DPY19L3: variants seen among roughly 807,000 people sequenced by gnomAD.
DPY19L3 encodes the protein protein C-mannosyl-transferase DPY19L3.
A neutral mutation model predicts 92.3 loss-of-function variants in DPY19L3; 51 were observed. That is an observed-to-expected ratio of 0.55 (90% CI 0.44 to 0.70). The LOEUF (loss-of-function observed/expected upper bound fraction) is 0.70, where lower values mean the gene tolerates loss of function less well. DPY19L3 is among the 30% of genes least tolerant of loss of function. The pLI is 0.00. For synonymous variants in DPY19L3, 309 were observed against 315.2 expected, an observed-to-expected ratio of 0.98 and a Z score of 0.21; for missense variants, 706 against 855.9, an observed-to-expected ratio of 0.82 and a Z score of 2.18.
chr19:32,423,299 C>T (rs922746168), intron 3 of DPY19L3, among the ~76,000 whole-genome samples: 4 of 151,810 alleles, frequency 2.6e-5, no homozygotes, highest in African/African-American at 9.7e-5. Flanking sequence ...AATGAAGTGG[C>T]GTGATCTTGG....
Position 32,468,777 on chromosome 19 carries a change from A to C in DPY19L3, c.1661A>C (p.Tyr554Ser), listed in dbSNP as rs200092939. The change falls in exon 16 of 19, where the codon TAT (tyrosine) becomes TCT (serine). Residue 554 changes from tyrosine to serine, a missense_variant. Transcript: ENST00000392250. Reference protein sequence around the residue: ...MDELSELREFYDPDTVELMNW... With the variant: ...MDELSELREFSDPDTVELMNW... The stretch of plus-strand genomic sequence containing the variant: ...GAACTCTCCGAGTTGAGAGAATTCT[A>C]TGATCCAGATACAGTGGAGCTGATG... 6.2e-7 allele frequency: 1 copy of C among 1,613,956 alleles called. No homozygotes were observed. Among genetic ancestry groups the C allele is most frequent in the Middle Eastern group, 1.7e-4 (1 of 6,058 alleles).
At chr19:32,472,115 C>G (rs1970375761) in intron 16 of DPY19L3, among the ~76,000 whole-genome samples, 1 of 152,112 alleles carries the variant, frequency 6.6e-6, no homozygotes, top group Non-Finnish European at 1.5e-5. Context: ...ATTTTAAGAT[C>G]TTCAGTGGCT....
rs748024218 is a variant in DPY19L3 at position 32,429,374 on chromosome 19, AGT to A, written c.238-3339_238-3338del. ...GTATAAATTGCTGTAAAACTGGAAA[AGT>A]GTTTGAATGAGTGAAGCAGATGTTC... On this transcript the variant is annotated intron_variant, in intron 3 of 18. Coordinates refer to ENST00000392250, the MANE Select transcript of DPY19L3 (RefSeq NM_001172774.2). Among the ~76,000 whole-genome samples the A allele has an allele frequency of 3.0e-3, 462 of 152,322 alleles. 1 individual carries two copies. The highest frequency in any genetic ancestry group is 5.3e-3 in the Non-Finnish European group (362 of 68,022).
At chr19:32,447,056 C>T (rs1339910390) in intron 8 of DPY19L3, among the ~76,000 whole-genome samples, 3 of 152,232 alleles carry the variant, frequency 2.0e-5, no homozygotes, top group Non-Finnish European at 2.9e-5. Flanking sequence ...AGAAAGATAA[C>T]AGGAAATGTT....
At chr19:32,431,441 T>C (rs772566614) in intron 3 of DPY19L3, among the ~76,000 whole-genome samples, 6 of 152,118 alleles carry the variant, frequency 3.9e-5, no homozygotes, top group Admixed American at 6.5e-5. Flanking sequence ...ACATGGTTTG[T>C]TTTGTTTTGT....
chr19:32,437,943 A>G (rs191966854), intron 6 of DPY19L3, among the ~76,000 whole-genome samples: 4 of 152,204 alleles, frequency 2.6e-5, no homozygotes, highest in Admixed American at 6.5e-5. Flanking sequence ...CAAAGTATCA[A>G]GATTACAGGC....
intron 15 of DPY19L3, chr19:32,467,772 CAA>C (rs1970242229): frequency 1.0e-6 from 1 of 982,284 alleles, no homozygotes; most frequent in Admixed American, 6.2e-5. Context: ...TAGATATGAT[CAA>C]GTCTTTTTAG....
At position 32,482,160 on chromosome 19, in the gene DPY19L3, C is replaced by T. The variant is rs1044501293; in HGVS notation, c.2071C>T (p.Leu691=). The change falls in exon 19 of 19, where the codon CTG becomes TTG. Residue 691 remains leucine, a synonymous_variant. Transcript: ENST00000392250. ...CTTCTGTGAAGAGATCAAAAGAAACCTGCCTCCCTACGTGGCCTACTTCAC... is the reference window on the plus strand; with the variant it reads ...CTTCTGTGAAGAGATCAAAAGAAACTTGCCTCCCTACGTGGCCTACTTCAC... ...PRFCEEIKRN[L]PPYVAYFTRV... is the part of the protein sequence containing the mutation. 1.2e-6 allele frequency: 2 copies of T among 1,613,752 alleles called. No individual in the cohort carries two copies. Among genetic ancestry groups the T allele is most frequent in the African/African-American group, 1.3e-5 (1 of 74,896 alleles).
chr19:32,411,144 A>C (rs2302772), intron 2 of DPY19L3, 95 bp from the exon 3 acceptor site: 230,034 of 1,317,764 alleles, frequency 0.17, 20,688 homozygotes, highest in African/African-American at 0.26. Flanking sequence ...AGTGACAGGC[A>C]GCTAGACTTA....
chr19:32,448,229 T>C (rs1969581295), intron 8 of DPY19L3, among the ~76,000 whole-genome samples: 1 of 152,180 alleles, frequency 6.6e-6, no homozygotes, highest in African/African-American at 2.4e-5. Flanking sequence ...GAGTCATATG[T>C]GGGTCGTATG....
intron 18 of DPY19L3, 43 bp downstream of exon 18, chr19:32,480,600 G>T: frequency 6.4e-7 from 1 of 1,572,834 alleles, no homozygotes; most frequent in South Asian, 1.2e-5. Flanking sequence ...TCCTGGAGGG[G>T]CGGGACTCTG....
At chr19:32,473,608 C>T (rs1970418274) in intron 16 of DPY19L3, among the ~76,000 whole-genome samples, 1 of 152,172 alleles carries the variant, frequency 6.6e-6, no homozygotes, top group African/African-American at 2.4e-5. Context: ...GTTTGTTTCT[C>T]ATTTTGTTCC....
intron 8 of DPY19L3, among the ~76,000 whole-genome samples, chr19:32,442,634 G>T (rs775320546): frequency 2.0e-5 from 3 of 152,156 alleles, no homozygotes; most frequent in Non-Finnish European, 4.4e-5. Flanking sequence ...ATCCTTGACT[G>T]GGTGCTGGAG....
rs1411341046 is a variant in DPY19L3, at chr19:32,408,310, T to C, written c.57T>C (p.Phe19=). The C allele has an allele frequency of 6.2e-7, 1 of 1,613,970 alleles. No individual in the cohort carries two copies. Among genetic ancestry groups the C allele is most frequent in the Non-Finnish European group, 8.5e-7 (1 of 1,179,992 alleles). ...EIRATEVSED[F]PAQEENVKLE... is the part of the protein sequence containing the mutation. Reference sequence around the variant, plus strand: ...GAGCCACAGAAGTTTCTGAAGACTTTCCAGCCCAAGAAGAAAATGTGAAGT... The same window carrying C: ...GAGCCACAGAAGTTTCTGAAGACTTCCCAGCCCAAGAAGAAAATGTGAAGT... Residue 19 remains phenylalanine (F), a synonymous_variant, in exon 2 of 19, where the codon TTT becomes TTC. Coordinates refer to ENST00000392250, the MANE Select transcript of DPY19L3 (RefSeq NM_001172774.2).
intron 8 of DPY19L3, among the ~76,000 whole-genome samples, chr19:32,447,816 TTAGATAGATAGA>T (rs1555721981): frequency 1.2e-4 from 11 of 89,916 alleles, no homozygotes; most frequent in East Asian, 5.6e-4. Flanking sequence ...GATAGATAGA[TTAGATAGATAGA>T]TAGATAGATA....
intron 3 of DPY19L3, among the ~76,000 whole-genome samples, chr19:32,415,382 C>T (rs1450832365): frequency 6.6e-6 from 1 of 152,102 alleles, no homozygotes; most frequent in African/African-American, 2.4e-5. Flanking sequence ...GGGACAAGTG[C>T]AGGAAATTCA....
At chr19:32,456,836 A>T (rs1054908001) in intron 10 of DPY19L3, among the ~76,000 whole-genome samples, 2 of 150,052 alleles carry the variant, frequency 1.3e-5, no homozygotes, top group Non-Finnish European at 3.0e-5. Flanking sequence ...AAATATATAC[A>T]CCTATATGCC....
chr19:32,480,280 G>A, intron 17 of DPY19L3, 119 bp from the exon 18 acceptor site: 3 of 1,171,422 alleles, frequency 2.6e-6, no homozygotes, highest in Non-Finnish European at 3.5e-6. Context: ...GGCCTGGGCT[G>A]GAGAGAGCAC....
chr19:32,477,145 C>T (rs1025993968), intron 16 of DPY19L3, among the ~76,000 whole-genome samples: 2 of 152,122 alleles, frequency 1.3e-5, no homozygotes, highest in African/African-American at 4.8e-5. Context: ...GCCTAGAAGC[C>T]TGGACTCAAG....
Sources: gnomAD v4.1 joint callset for allele counts (sites outside exome capture counted in the v4.1 genomes callset) on GRCh38, gnomAD v4.1.1 for gene constraint, MANE v1.5 for transcripts, NCBI Gene and HGNC (gene_info 2026-07-23, HGNC 2026-07-21) for gene names.